The following OR3A2 variants were observed in gnomAD, a reference collection of about 807,000 sequenced individuals.
The protein encoded by OR3A2 is olfactory receptor 3A2.
For synonymous variants in OR3A2, 126 were observed against 159.3 expected (o/e 0.79, Z 1.57); for missense variants, 318 against 392.8 (o/e 0.81, Z 1.61).
At chr17:3,350,596 C>A (rs1194233727) in intron 2 of OR3A2, among the ~76,000 whole-genome samples, 1 of 150,292 alleles carries the variant, frequency 6.7e-6, no homozygotes. Context: ...CCGAATTCTA[C>A]CAGAGGTACA....
At chr17:3,349,679 G>A (rs1047427669) in intron 2 of OR3A2, among the ~76,000 whole-genome samples, 8 of 151,390 alleles carry the variant, frequency 5.3e-5, no homozygotes, top group African/African-American at 1.7e-4. Flanking sequence ...GCACCAAGCA[G>A]ACCTAATAGA....
At chr17:3,320,873 G>C (rs2049115913) in intron 3 of OR3A2, among the ~76,000 whole-genome samples, 1 of 151,838 alleles carries the variant, frequency 6.6e-6, no homozygotes. Flanking sequence ...CTCTTTTTTG[G>C]TTCCATATGA....
At chr17:3,368,090 T>A (rs901388029) in intron 2 of OR3A2, among the ~76,000 whole-genome samples, 1 of 152,218 alleles carries the variant, frequency 6.6e-6, no homozygotes, top group East Asian at 1.9e-4. Flanking sequence ...GAATTGTTTT[T>A]TTCTTGCTGA....
chr17:3,303,701 C>T (rs930854067), intron 3 of OR3A2, among the ~76,000 whole-genome samples: 13 of 148,446 alleles, frequency 8.8e-5, no homozygotes, highest in Non-Finnish European at 1.5e-4. Flanking sequence ...GTCAAGATCA[C>T]ACCACTGCAC....
At chr17:3,322,925 C>T (rs189247045) in intron 3 of OR3A2, among the ~76,000 whole-genome samples, 56 of 152,156 alleles carry the variant, frequency 3.7e-4, no homozygotes, top group African/African-American at 1.2e-3. Flanking sequence ...CCTGGACATC[C>T]TTGTTAACTT....
intron 2 of OR3A2, among the ~76,000 whole-genome samples, chr17:3,372,425 G>T (rs371244284): frequency 6.6e-6 from 1 of 151,440 alleles, no homozygotes; most frequent in Non-Finnish European, 1.5e-5. Context: ...ACGGGGTGGC[G>T]GCTGGGCAGA....
chr17:3,303,976 T>C (rs1028267876), intron 3 of OR3A2, among the ~76,000 whole-genome samples: 6 of 129,256 alleles, frequency 4.6e-5, no homozygotes, highest in South Asian at 2.7e-4. Context: ...TATATATATA[T>C]ACTAATTATT....
At chr17:3,326,107 A>G (rs1404435481) in intron 3 of OR3A2, among the ~76,000 whole-genome samples, 2 of 152,112 alleles carry the variant, frequency 1.3e-5, no homozygotes, top group East Asian at 3.8e-4. Context: ...ATGTTCCTGC[A>G]AAGGACAGGA....
At chr17:3,337,259 C>CATAG (rs1322299699) in intron 2 of OR3A2, among the ~76,000 whole-genome samples, 2 of 152,128 alleles carry the variant, frequency 1.3e-5, no homozygotes, top group African/African-American at 4.8e-5. Context: ...TTCTCCAGAA[C>CATAG]TTCTTCATGT....
intron 2 of OR3A2, among the ~76,000 whole-genome samples, chr17:3,348,324 C>A (rs2150651975): frequency 6.6e-6 from 1 of 152,174 alleles, no homozygotes; most frequent in Non-Finnish European, 1.5e-5. Flanking sequence ...CTTGCCCATG[C>A]CTATGTCCTG....
chr17:3,360,989 A>C (rs1462681937), intron 2 of OR3A2, among the ~76,000 whole-genome samples: 2 of 151,422 alleles, frequency 1.3e-5, no homozygotes, highest in Admixed American at 6.6e-5. Flanking sequence ...ATGGCATTGA[A>C]TCTATAAATT....
chr17:3,349,870 T>G (rs1487841403), intron 2 of OR3A2, among the ~76,000 whole-genome samples: 3 of 152,080 alleles, frequency 2.0e-5, no homozygotes, highest in African/African-American at 4.8e-5. Context: ...AACTCATGAT[T>G]AAGAATCTCA....
intron 1 of OR3A2, 30 bp downstream of exon 4, chr17:3,279,046 T>G: frequency 6.7e-7 from 1 of 1,492,318 alleles, no homozygotes; most frequent in South Asian, 1.4e-5. Flanking sequence ...CCTCACTCGT[T>G]GACCTCCTCC....
intron 3 of OR3A2, among the ~76,000 whole-genome samples, chr17:3,308,162 T>A (rs1220438979): frequency 6.6e-6 from 1 of 152,228 alleles, no homozygotes; most frequent in East Asian, 1.9e-4. Context: ...GGTCATTATG[T>A]CTTTGGCAAA....
chr17:3,310,942 TG>T, intron 3 of OR3A2: 1 of 588,342 alleles, frequency 1.7e-6, no homozygotes, highest in Non-Finnish European at 3.3e-6. Flanking sequence ...TTCATGGGTG[TG>T]GCCCCCTTGG....
At chr17:3,308,644 G>A (rs1363269407) in intron 3 of OR3A2, among the ~76,000 whole-genome samples, 1 of 152,154 alleles carries the variant, frequency 6.6e-6, no homozygotes, top group Non-Finnish European at 1.5e-5. Flanking sequence ...GAAGAAGGAC[G>A]GTTCTGATTT....
chr17:3,371,376 AC>A (rs1275361331), intron 2 of OR3A2, among the ~76,000 whole-genome samples: 23 of 125,142 alleles, frequency 1.8e-4, no homozygotes, highest in African/African-American at 6.2e-4. Context: ...CGGGGGGCTG[AC>A]CCCCCCACCT....
intron 3 of OR3A2, among the ~76,000 whole-genome samples, chr17:3,331,144 C>T (rs1370881073): frequency 3.3e-5 from 5 of 152,194 alleles, no homozygotes; most frequent in Admixed American, 1.3e-4. Flanking sequence ...CTGCCCTTAA[C>T]ATTTTTTCCT....
chr17:3,347,876 T>C (rs1413609156), intron 2 of OR3A2, among the ~76,000 whole-genome samples: 1 of 152,186 alleles, frequency 6.6e-6, no homozygotes, highest in African/African-American at 2.4e-5. Context: ...GTAAAAGTGT[T>C]CCTATTTCTC....
Sources: allele counts gnomAD v4.1 joint callset (sites outside exome capture counted in the v4.1 genomes callset), GRCh38; gene constraint gnomAD v4.1.1; transcripts MANE v1.5; gene names NCBI Gene and HGNC (gene_info 2026-07-23, HGNC 2026-07-21).